Variants in NDUFAF6 observed in about 807,000 individuals in gnomAD.
The protein encoded by NDUFAF6 is NADH dehydrogenase (ubiquinone) complex I, assembly factor 6.
In NDUFAF6, 45 loss-of-function variants were observed where a neutral mutation model predicts 40.8. The ratio of observed to expected loss-of-function variants is 1.10; its 90% confidence interval spans 0.87 to 1.42. NDUFAF6 has a LOEUF of 1.42. Ranked by LOEUF, NDUFAF6 falls within the 40% of genes most tolerant of loss-of-function variation. The probability of loss-of-function intolerance (pLI) is 0.00; values close to 1 mark genes in which losing one functional copy is unlikely to be tolerated. For synonymous variants in NDUFAF6, 185 were observed against 155.9 expected, an observed-to-expected ratio of 1.19 and a Z score of -1.39; for missense variants, 435 against 418.5, an observed-to-expected ratio of 1.04 and a Z score of -0.34.
intron 1 of NDUFAF6, among the ~76,000 whole-genome samples, chr8:94,966,718 T>A (rs1824040460): frequency 6.6e-6 from 1 of 152,260 alleles, no homozygotes; most frequent in South Asian, 2.1e-4. Context: ...TCAGGCTCTC[T>A]TTTTCTTCCA....
At chr8:94,906,812 C>G (rs1818421063) in intron 1 of NDUFAF6, among the ~76,000 whole-genome samples, 1 of 152,206 alleles carries the variant, frequency 6.6e-6, no homozygotes, top group Non-Finnish European at 1.5e-5. Flanking sequence ...ATACACTTGA[C>G]CTTGTTCTGC....
chr8:94,983,414 G>A (rs1187214666), intron 2 of NDUFAF6, among the ~76,000 whole-genome samples: 32 of 151,858 alleles, frequency 2.1e-4, no homozygotes, highest in Non-Finnish European at 4.4e-4. Context: ...ACAGGTGTGC[G>A]CCACCACTGC....
At chr8:94,933,842 G>GT (rs963875109) in intron 1 of NDUFAF6, among the ~76,000 whole-genome samples, 1 of 148,090 alleles carries the variant, frequency 6.8e-6, no homozygotes, top group Admixed American at 6.7e-5. Context: ...TGTGGGGGGG[G>GT]GGGGAGGATC....
intron 2 of NDUFAF6, among the ~76,000 whole-genome samples, chr8:95,082,992 G>C (rs180918710): frequency 1.4e-4 from 21 of 152,230 alleles, no homozygotes; most frequent in Admixed American, 9.8e-4. Context: ...TATTGCCCAG[G>C]CTGGTCTCGA....
intron 2 of NDUFAF6, among the ~76,000 whole-genome samples, chr8:95,094,338 T>G (rs7008347): frequency 6.7e-6 from 1 of 149,346 alleles, no homozygotes. Flanking sequence ...AACTATTCTA[T>G]GTCTTTCCTT....
chr8:94,997,339 C>CAG (rs1202029928), intron 2 of NDUFAF6, among the ~76,000 whole-genome samples: 1,824 of 123,860 alleles, frequency 0.015, 16 homozygotes, highest in African/African-American at 0.043. Flanking sequence ...CACACACACA[C>CAG]ACACAGAGAG....
chr8:94,902,418 CAAAAA>C (rs369670770), intron 1 of NDUFAF6, among the ~76,000 whole-genome samples: 1 of 132,526 alleles, frequency 7.5e-6, no homozygotes, highest in African/African-American at 2.9e-5. Context: ...GGCCCTGTCT[CAAAAA>C]AAAAAAAAAA....
At chr8:95,073,177 G>A (rs184138298) in intron 9 of NDUFAF6, 1 of 152,610 alleles carries the variant, frequency 6.6e-6, no homozygotes, top group South Asian at 2.1e-4. Flanking sequence ...GTCGCTGCCC[G>A]GAGCTGTGCG....
intron 1 of NDUFAF6, among the ~76,000 whole-genome samples, chr8:94,968,744 G>A (rs1824218330): frequency 6.6e-6 from 1 of 152,188 alleles, no homozygotes; most frequent in African/African-American, 2.4e-5. Context: ...TGGTACCAAG[G>A]GCGAGAGTAA....
chr8:95,024,197 A>G (rs1362785855), upstream of NDUFAF6, among the ~76,000 whole-genome samples: 1 of 152,230 alleles, frequency 6.6e-6, no homozygotes, highest in Non-Finnish European at 1.5e-5. Flanking sequence ...TGTCCAAATA[A>G]GATTGTGGAA....
chr8:94,923,342 CCAGT>C (rs1488449253), intron 1 of NDUFAF6, among the ~76,000 whole-genome samples: 2 of 152,200 alleles, frequency 1.3e-5, no homozygotes, highest in African/African-American at 4.8e-5. Flanking sequence ...TCTGCACTGT[CCAGT>C]ATGGTAGCTG....
chr8:95,040,438 A>G (rs1028153755), intron 3 of NDUFAF6, among the ~76,000 whole-genome samples: 4 of 152,180 alleles, frequency 2.6e-5, no homozygotes, highest in Non-Finnish European at 2.9e-5. Context: ...TAAGACTGCA[A>G]ATATCCTGCT....
At chr8:94,931,192 A>G (rs1820357712) in intron 1 of NDUFAF6, among the ~76,000 whole-genome samples, 1 of 152,206 alleles carries the variant, frequency 6.6e-6, no homozygotes, top group Non-Finnish European at 1.5e-5. Flanking sequence ...TTCACAAGAC[A>G]TTTCCTGTCT....
At chr8:95,073,838 C>T (rs1009979568) in intron 9 of NDUFAF6, among the ~76,000 whole-genome samples, 1 of 152,134 alleles carries the variant, frequency 6.6e-6, no homozygotes, top group African/African-American at 2.4e-5. Flanking sequence ...ACCTGCCAAC[C>T]AATCCCAACC....
At chr8:95,019,492 C>T (rs1325391228) in intron 2 of NDUFAF6, among the ~76,000 whole-genome samples, 2 of 152,106 alleles carry the variant, frequency 1.3e-5, no homozygotes, top group Non-Finnish European at 2.9e-5. Context: ...ATTTTGTATG[C>T]ATTAAATCTA....
At chr8:95,020,912 G>T (rs1258068837), upstream of NDUFAF6, among the ~76,000 whole-genome samples, 1 of 152,180 alleles carries the variant, frequency 6.6e-6, no homozygotes, top group East Asian at 1.9e-4. Flanking sequence ...GAAGGAAGAG[G>T]TGTTTAATTA....
At chr8:95,022,223 T>C (rs1827719331), upstream of NDUFAF6, among the ~76,000 whole-genome samples, 1 of 152,026 alleles carries the variant, frequency 6.6e-6, no homozygotes, top group South Asian at 2.1e-4. Flanking sequence ...TTAACATAGC[T>C]GTAATGAAAA....
chr8:94,938,653 C>T (rs1035419521), intron 1 of NDUFAF6, among the ~76,000 whole-genome samples: 1 of 152,202 alleles, frequency 6.6e-6, no homozygotes, highest in African/African-American at 2.4e-5. Flanking sequence ...CCATAAGACC[C>T]CAATAGTACT....
intron 3 of NDUFAF6, among the ~76,000 whole-genome samples, chr8:95,036,150 G>A (rs994753588): frequency 9.2e-5 from 14 of 152,182 alleles, no homozygotes; most frequent in Non-Finnish European, 1.9e-4. Flanking sequence ...TGTATAGCTA[G>A]ATATATACCA....
Sources: allele counts gnomAD v4.1 joint callset (sites outside exome capture counted in the v4.1 genomes callset), GRCh38; gene constraint gnomAD v4.1.1; transcripts MANE v1.5; gene names NCBI Gene and HGNC (gene_info 2026-07-23, HGNC 2026-07-21).